The following PRCP variants were observed in gnomAD, a reference collection of about 807,000 sequenced individuals.
PRCP encodes lysosomal Pro-X carboxypeptidase.
Under a neutral mutation model 54.2 loss-of-function variants are expected in PRCP, and 46 were observed. The observed-to-expected ratio is 0.85, with a 90% CI of 0.67 to 1.09. The LOEUF (loss-of-function observed/expected upper bound fraction) is 1.09. Ranked by LOEUF, PRCP falls within the 50% of genes least tolerant of loss-of-function variation. PRCP has a pLI of 0.00. For missense variants in PRCP, 613 were observed against 596.8 expected, an observed-to-expected ratio of 1.03 and a Z score of -0.28; for synonymous variants, 240 against 212.2, an observed-to-expected ratio of 1.13 and a Z score of -1.14.
chr11:82,871,847 T>A (rs759735300), intron 1 of PRCP, among the ~76,000 whole-genome samples: 3 of 152,230 alleles, frequency 2.0e-5, no homozygotes, highest in Non-Finnish European at 4.4e-5. Flanking sequence ...TTACAGATGG[T>A]GTGCCCAGAG....
At chr11:82,900,689 C>T (rs1270321729), upstream of PRCP, 1 of 588,004 alleles carries the variant, frequency 1.7e-6, no homozygotes, top group Non-Finnish European at 3.2e-6. Flanking sequence ...CCTTATCATG[C>T]TAGGGCCTCT....
chr11:82,862,191 A>G (rs1859221645), intron 1 of PRCP, among the ~76,000 whole-genome samples: 1 of 152,200 alleles, frequency 6.6e-6, no homozygotes, highest in Non-Finnish European at 1.5e-5. Context: ...AAAAGTGTTC[A>G]TATTGTTTTG....
chr11:82,845,347 G>T lies in PRCP; in HGVS notation c.921+3702C>A, dbSNP rs573522905. Among the ~76,000 whole-genome samples, 62 of 152,080 alleles carry T rather than the reference G, an allele frequency of 4.1e-4. 1 individual carries two copies. In the South Asian group the frequency reaches 0.012, roughly 31 times the overall value. On this transcript the variant is annotated intron_variant, in intron 6 of 8. Transcript: ENST00000313010. ...CATTTAAATAAGAGAAGGAAAAGGG[G>T]GTCAAAGAAAATTTTTTAACAGAGG...
At chr11:82,855,851 T>A (rs1011464094) in intron 2 of PRCP, among the ~76,000 whole-genome samples, 2 of 152,002 alleles carry the variant, frequency 1.3e-5, no homozygotes, top group Non-Finnish European at 2.9e-5. Flanking sequence ...AGTAAAAAAA[T>A]AACAGATGTT....
At chr11:82,884,445 T>G (rs1191886989) in intron 1 of PRCP, among the ~76,000 whole-genome samples, 1 of 152,016 alleles carries the variant, frequency 6.6e-6, no homozygotes, top group Non-Finnish European at 1.5e-5. Flanking sequence ...GTAGTCAAGC[T>G]CCTCAGGAAG....
At chr11:82,888,212 G>C (rs1042153034) in intron 1 of PRCP, among the ~76,000 whole-genome samples, 3 of 152,156 alleles carry the variant, frequency 2.0e-5, no homozygotes, top group African/African-American at 2.4e-5. Context: ...GGGCTGCTCA[G>C]AGAAAGCTTC....
chr11:82,873,478 T>C (rs1859527480), intron 1 of PRCP, among the ~76,000 whole-genome samples: 1 of 152,218 alleles, frequency 6.6e-6, no homozygotes, highest in African/African-American at 2.4e-5. Context: ...CAGTAAAGCA[T>C]ATTCTATTGC....
intron 8 of PRCP, chr11:82,829,278 C>T (rs1411434273): frequency 1.3e-5 from 2 of 152,210 alleles, no homozygotes; most frequent in African/African-American, 4.8e-5. Context: ...CTAGAACCAA[C>T]AAGTTTCTAC....
chr11:82,871,986 C>A (rs932465806), intron 1 of PRCP, among the ~76,000 whole-genome samples: 3 of 152,152 alleles, frequency 2.0e-5, no homozygotes, highest in Admixed American at 6.5e-5. Context: ...TACCCATGGT[C>A]AACCATGGTC....
chr11:82,841,365 G>A (rs1858667200), intron 6 of PRCP, among the ~76,000 whole-genome samples: 5 of 151,994 alleles, frequency 3.3e-5, no homozygotes, highest in Admixed American at 3.3e-4. Flanking sequence ...TATTTCCATG[G>A]AATGTTTATT....
Position 82,850,339 on chromosome 11 carries a change from G to A in PRCP, c.578C>T (p.Pro193Leu). 6.3e-7 allele frequency: 1 copy of A among 1,575,300 alleles called. No individual in the cohort carries two copies. The highest frequency in any genetic ancestry group is 8.6e-7 in the Non-Finnish European group (1 of 1,159,392). ...ATGCACTTACCCAACTACCATATGAGGATATTTCATCCTAAACCAGGCGGC... is the reference window on the plus strand; with the variant it reads ...ATGCACTTACCCAACTACCATATGAAGATATTTCATCCTAAACCAGGCGGC... The part of the protein sequence containing the change: ...MLAAWFRMKY[P>L]HMVVGALAAS... Residue 193 changes from proline (P) to leucine (L), a missense_variant, in exon 4 of 9, where the codon CCT becomes CTT. Pro to Leu is a moderately conservative substitution (Grantham distance 98, BLOSUM62 -3). Coordinates refer to ENST00000313010, the MANE Select transcript of PRCP (RefSeq NM_005040.4).
chr11:82,877,953 G>A (rs538202674), intron 1 of PRCP, among the ~76,000 whole-genome samples: 1 of 152,318 alleles, frequency 6.6e-6, no homozygotes, highest in East Asian at 1.9e-4. Context: ...AACTGAGAGG[G>A]AGGCTGTACC....
In PRCP at chr11:82,839,425, C is replaced by T. The variant is rs759585934; in HGVS notation, c.922G>A (p.Val308Ile). ...LQPLPAWPIKVVCQYLKNPNV... is the reference protein window; with the variant it reads ...LQPLPAWPIKIVCQYLKNPNV... ...GGATTTTTCAAATACTGGCACACTA[C>T]CTGTCATTTTAGAAAGATAAATGGG... The change falls in exon 7 of 9, where the codon GTA becomes ATA. Residue 308 changes from valine (V) to isoleucine (I), a missense_variant and splice_region_variant. Coordinates refer to ENST00000313010, the MANE Select transcript of PRCP (RefSeq NM_005040.4). The T allele has an allele frequency of 2.5e-6, 4 of 1,608,004 alleles. No individual in the cohort carries two copies. Among genetic ancestry groups the T allele is most frequent in the African/African-American group, 1.3e-5 (1 of 74,896 alleles).
At chr11:82,876,075 G>A (rs778379918) in intron 1 of PRCP, among the ~76,000 whole-genome samples, 1 of 152,134 alleles carries the variant, frequency 6.6e-6, no homozygotes, top group Non-Finnish European at 1.5e-5. Flanking sequence ...ACAACCCCAG[G>A]CCCAAAGGAG....
chr11:82,899,650 C>A (rs141654983), intron 1 of PRCP, among the ~76,000 whole-genome samples: 800 of 152,098 alleles, frequency 5.3e-3, no homozygotes, highest in Non-Finnish European at 8.8e-3. Flanking sequence ...CCCACCCCCA[C>A]CACAAACTCC....
intron 1 of PRCP, among the ~76,000 whole-genome samples, chr11:82,897,498 C>T (rs1860145207): frequency 1.3e-5 from 2 of 152,136 alleles, no homozygotes; most frequent in Admixed American, 1.3e-4. Flanking sequence ...AAAAGACCAA[C>T]TAAATTTCCT....
intron 1 of PRCP, among the ~76,000 whole-genome samples, chr11:82,883,919 T>C (rs1859808429): frequency 6.6e-6 from 1 of 152,118 alleles, no homozygotes; most frequent in Admixed American, 6.5e-5. Context: ...CTAGAGCCAA[T>C]TGTTCAAGAG....
At chr11:82,845,034 T>TAAA (rs11348532) in intron 6 of PRCP, among the ~76,000 whole-genome samples, 1 of 116,770 alleles carries the variant, frequency 8.6e-6, no homozygotes, top group African/African-American at 3.7e-5. Context: ...TATGTAATAG[T>TAAA]AAAAAAAAAA....
intron 1 of PRCP, among the ~76,000 whole-genome samples, 156 bp from the exon 2 acceptor site, chr11:82,860,273 ATAT>A (rs1212504989): frequency 1.3e-5 from 2 of 151,958 alleles, no homozygotes; most frequent in African/African-American, 2.4e-5. Flanking sequence ...AGTAATATCG[ATAT>A]TATTATTTTG....
Sources: gnomAD v4.1 joint callset for allele counts (sites outside exome capture counted in the v4.1 genomes callset) on GRCh38, gnomAD v4.1.1 for gene constraint, MANE v1.5 for transcripts, NCBI Gene and HGNC (gene_info 2026-07-23, HGNC 2026-07-21) for gene names.